HS3ST5: variants seen among roughly 807,000 people sequenced by gnomAD.
HS3ST5 encodes the protein heparan sulfate glucosamine 3-O-sulfotransferase 5.
A neutral mutation model predicts 25.4 loss-of-function variants in HS3ST5; 10 were observed. The ratio of observed to expected loss-of-function variants is 0.39; its 90% confidence interval spans 0.24 to 0.67. The LOEUF (loss-of-function observed/expected upper bound fraction) is 0.67, where lower values mean the gene tolerates loss of function less well. Ranked by LOEUF, HS3ST5 falls within the 30% of genes least tolerant of loss-of-function variation. The pLI, the probability that HS3ST5 is intolerant of heterozygous loss-of-function variation, is 0.44. For synonymous variants in HS3ST5, 170 were observed against 162.4 expected, an observed-to-expected ratio of 1.05 and a Z score of -0.36; for missense variants, 324 against 420.7, an observed-to-expected ratio of 0.77 and a Z score of 2.01.
At chr6:114,092,599 A>G (rs984095872) in intron 3 of HS3ST5, among the ~76,000 whole-genome samples, 2 of 152,126 alleles carry the variant, frequency 1.3e-5, no homozygotes, top group African/African-American at 4.8e-5. Flanking sequence ...ATAGAAATAA[A>G]AATAAAATGA....
intron 3 of HS3ST5, among the ~76,000 whole-genome samples, chr6:114,134,538 G>T (rs2114916289): frequency 6.6e-6 from 1 of 152,328 alleles, no homozygotes; most frequent in South Asian, 2.1e-4. Context: ...GCAGTGAGAA[G>T]AAGGCAGCTT....
chr6:114,165,883 G>A (rs556413234), intron 3 of HS3ST5, among the ~76,000 whole-genome samples: 59 of 152,052 alleles, frequency 3.9e-4, no homozygotes, highest in Non-Finnish European at 7.6e-4. Flanking sequence ...AATGATGTAT[G>A]TAAAGTTAAA....
At chr6:114,294,577 C>A (rs1448884405) in intron 1 of HS3ST5, among the ~76,000 whole-genome samples, 2 of 151,740 alleles carry the variant, frequency 1.3e-5, no homozygotes, top group Non-Finnish European at 2.9e-5. Context: ...TCCCGAGTAG[C>A]TGGGACTACA....
intron 1 of HS3ST5, among the ~76,000 whole-genome samples, chr6:114,260,418 T>C (rs6568834): frequency 0.17 from 25,186 of 152,200 alleles, 2,119 homozygotes; most frequent in East Asian, 0.27. Flanking sequence ...AAAATAATTA[T>C]AAGACTTCGT....
At chr6:114,202,732 T>C (rs1481013631) in intron 2 of HS3ST5, among the ~76,000 whole-genome samples, 1 of 152,140 alleles carries the variant, frequency 6.6e-6, no homozygotes, top group Non-Finnish European at 1.5e-5. Flanking sequence ...AGACATTTGG[T>C]AGATTCAGAG....
At chr6:114,276,110 A>T (rs1476506295) in intron 1 of HS3ST5, among the ~76,000 whole-genome samples, 1 of 88,568 alleles carries the variant, frequency 1.1e-5, no homozygotes, top group East Asian at 3.5e-4. Context: ...CTGCCCTCCC[A>T]CCCCACCCCA....
intron 1 of HS3ST5, among the ~76,000 whole-genome samples, chr6:114,324,634 T>G (rs1357804727): frequency 6.6e-6 from 1 of 152,212 alleles, no homozygotes; most frequent in Non-Finnish European, 1.5e-5. Context: ...TTGACTTGTT[T>G]TTATGTTCTT....
chr6:114,092,102 C>T (rs971890456), intron 3 of HS3ST5, among the ~76,000 whole-genome samples: 11 of 152,158 alleles, frequency 7.2e-5, no homozygotes, highest in Non-Finnish European at 1.6e-4. Context: ...AATTATATGC[C>T]ACTGTCATTT....
At chr6:114,288,594 GCAGA>G (rs1284994825) in intron 1 of HS3ST5, among the ~76,000 whole-genome samples, 1 of 152,016 alleles carries the variant, frequency 6.6e-6, no homozygotes, top group South Asian at 2.1e-4. Flanking sequence ...TGCATAGGCA[GCAGA>G]CAGAGAGTCA....
At chr6:114,180,946 G>A (rs1229429996) in intron 2 of HS3ST5, among the ~76,000 whole-genome samples, 2 of 152,182 alleles carry the variant, frequency 1.3e-5, no homozygotes, top group African/African-American at 4.8e-5. Flanking sequence ...ATGATTCACT[G>A]TCACACTTGC....
At chr6:114,212,531 A>C (rs1781553243) in intron 2 of HS3ST5, among the ~76,000 whole-genome samples, 1 of 152,204 alleles carries the variant, frequency 6.6e-6, no homozygotes, top group Non-Finnish European at 1.5e-5. Flanking sequence ...AAAAAGCATT[A>C]ATTAGACCAT....
chr6:114,279,921 T>C lies in HS3ST5; in HGVS notation c.-338-51143A>G, dbSNP rs542841115. 2.0e-4 allele frequency among the ~76,000 whole-genome samples: 31 copies of C among 152,020 alleles called. 1 individual carries two copies. The highest frequency in any genetic ancestry group is 7.5e-4 in the African/African-American group (31 of 41,528). Reference sequence around the variant, plus strand: ...TCCTGCTCCCTGACCTCCAATATTATGGAGTAGCTAGGAAGGTTCCCATAC... The same window carrying C: ...TCCTGCTCCCTGACCTCCAATATTACGGAGTAGCTAGGAAGGTTCCCATAC... On this transcript the variant is annotated intron_variant, in intron 1 of 4. Transcript: ENST00000312719.
intron 1 of HS3ST5, among the ~76,000 whole-genome samples, chr6:114,303,143 T>A (rs59907222): frequency 0.036 from 5,413 of 152,258 alleles, 326 homozygotes; most frequent in African/African-American, 0.12. Context: ...CAACTCTACC[T>A]AAGCTTTCAG....
chr6:114,173,062 G>A (rs1779544032), intron 2 of HS3ST5, among the ~76,000 whole-genome samples: 3 of 152,074 alleles, frequency 2.0e-5, no homozygotes, highest in Non-Finnish European at 2.9e-5. Flanking sequence ...TAAACAGGTC[G>A]GGTTCTTTTT....
intron 3 of HS3ST5, among the ~76,000 whole-genome samples, chr6:114,083,863 A>G (rs1235918493): frequency 6.6e-6 from 1 of 151,888 alleles, no homozygotes; most frequent in Non-Finnish European, 1.5e-5. Context: ...GTAATAACCT[A>G]TGTTTCATGT....
intron 4 of HS3ST5, among the ~76,000 whole-genome samples, chr6:114,060,744 C>A (rs1031637464): frequency 2.2e-4 from 33 of 152,176 alleles, no homozygotes; most frequent in African/African-American, 6.5e-4. Flanking sequence ...TAGAAAGGGT[C>A]ATTTTCCTTC....
chr6:114,316,698 T>A (rs1775761418), intron 1 of HS3ST5, among the ~76,000 whole-genome samples: 1 of 152,210 alleles, frequency 6.6e-6, no homozygotes, highest in Non-Finnish European at 1.5e-5. Flanking sequence ...TACTTTTATG[T>A]TCTACAGTTA....
At chr6:114,135,893 G>T (rs1231451738) in intron 3 of HS3ST5, among the ~76,000 whole-genome samples, 1 of 152,136 alleles carries the variant, frequency 6.6e-6, no homozygotes, top group African/African-American at 2.4e-5. Context: ...TGGAGCCCAG[G>T]TTGCATCCCC....
intron 1 of HS3ST5, among the ~76,000 whole-genome samples, chr6:114,242,256 T>A (rs554049258): frequency 6.6e-6 from 1 of 152,066 alleles, no homozygotes; most frequent in African/African-American, 2.4e-5. Context: ...TATTTTGGAT[T>A]TATTTAATTA....
Sources: gnomAD v4.1 joint callset for allele counts (sites outside exome capture counted in the v4.1 genomes callset) on GRCh38, gnomAD v4.1.1 for gene constraint, MANE v1.5 for transcripts, NCBI Gene and HGNC (gene_info 2026-07-23, HGNC 2026-07-21) for gene names.